Variants in PDSS2 observed in about 807,000 individuals in gnomAD.
The protein encoded by PDSS2 is decaprenyl diphosphate synthase subunit 2.
Under a neutral mutation model 44.5 loss-of-function variants are expected in PDSS2, and 31 were observed. The ratio of observed to expected loss-of-function variants is 0.70; its 90% CI spans 0.52 to 0.94. The LOEUF is 0.94. Ranked by LOEUF, PDSS2 falls within the 40% of genes least tolerant of loss-of-function variation. PDSS2 has a pLI of 0.00. For synonymous variants in PDSS2, 157 were observed against 180.3 expected (o/e 0.87, Z 1.03); for missense variants, 452 against 482.2 (o/e 0.94, Z 0.59).
chr6:107,162,610 A>ATTTTT lies in PDSS2; in HGVS notation c.1042-7838_1042-7834dup, dbSNP rs71012782. 4.4e-4 allele frequency among the ~76,000 whole-genome samples: 51 copies of ATTTTT among 115,560 alleles called. 2 individuals are homozygous for ATTTTT. Among genetic ancestry groups the ATTTTT allele is most frequent in the African/African-American group, 9.8e-4 (28 of 28,674 alleles). The allele number at this position is 115,560 out of a possible 152,430, so 75.8% of individuals were successfully genotyped here. A position where few individuals can be genotyped will look rare whatever the true frequency, so the allele number is the denominator to read the frequency against. On this transcript the variant is annotated intron_variant, in intron 7 of 7. Transcript: ENST00000369037. ...TTTTTATTTTGTCAAGAATTCCCTA[A>ATTTTT]TTTTTTTTTTTTTTTGAGATGGAGT...
At chr6:107,288,398 T>C (rs539796216) in intron 2 of PDSS2, among the ~76,000 whole-genome samples, 29 of 152,186 alleles carry the variant, frequency 1.9e-4, no homozygotes, top group Non-Finnish European at 4.1e-4. Context: ...AAGTCTTTGT[T>C]ATATGAATGA....
intron 2 of PDSS2, among the ~76,000 whole-genome samples, chr6:107,302,103 C>T (rs1481296136): frequency 6.6e-6 from 1 of 151,936 alleles, no homozygotes; most frequent in Non-Finnish European, 1.5e-5. Context: ...TAAATGATTT[C>T]TCAATAAAAC....
At chr6:107,386,372 C>A (rs1158483590) in intron 1 of PDSS2, among the ~76,000 whole-genome samples, 3 of 124,098 alleles carry the variant, frequency 2.4e-5, no homozygotes, top group African/African-American at 5.7e-5. Context: ...TTGTATATGT[C>A]ATTTTCTAAA....
chr6:107,184,782 CT>C (rs1204635568), intron 7 of PDSS2, among the ~76,000 whole-genome samples: 1 of 151,792 alleles, frequency 6.6e-6, no homozygotes, highest in Non-Finnish European at 1.5e-5. Context: ...TAAAAAATCT[CT>C]TACATTTGAC....
intron 7 of PDSS2, among the ~76,000 whole-genome samples, chr6:107,156,715 C>T (rs1412954730): frequency 6.6e-6 from 1 of 152,198 alleles, no homozygotes; most frequent in Non-Finnish European, 1.5e-5. Context: ...AGAGCTTTCC[C>T]TCTTGCACAG....
At chr6:107,201,160 T>C (rs539963227) in intron 6 of PDSS2, among the ~76,000 whole-genome samples, 2 of 152,222 alleles carry the variant, frequency 1.3e-5, no homozygotes, top group African/African-American at 2.4e-5. Flanking sequence ...TTAAAAGGGA[T>C]TCACTCATCT....
chr6:107,391,403 G>A (rs1023622291), intron 1 of PDSS2, among the ~76,000 whole-genome samples: 6 of 152,070 alleles, frequency 3.9e-5, no homozygotes, highest in African/African-American at 1.4e-4. Flanking sequence ...TTAACTCTTT[G>A]TATAACTGTC....
chr6:107,331,059 CA>C (rs1055563412), intron 2 of PDSS2, among the ~76,000 whole-genome samples: 1 of 152,042 alleles, frequency 6.6e-6, no homozygotes, highest in African/African-American at 2.4e-5. Flanking sequence ...GAAAAAATAC[CA>C]ACAAGGTAAA....
intron 2 of PDSS2, among the ~76,000 whole-genome samples, chr6:107,322,821 TCAAAAAA>T (rs751883995): frequency 4.9e-4 from 74 of 151,856 alleles, no homozygotes; most frequent in Admixed American, 9.2e-4. Context: ...AGACCCTGTC[TCAAAAAA>T]CAAAAAACAA....
chr6:107,335,386 G>T (rs537390071), intron 1 of PDSS2, among the ~76,000 whole-genome samples: 1 of 152,116 alleles, frequency 6.6e-6, no homozygotes, highest in African/African-American at 2.4e-5. Flanking sequence ...TGGTGATGAC[G>T]GTGGTAAACA....
At chr6:107,294,931 CT>C (rs1007707475) in intron 2 of PDSS2, among the ~76,000 whole-genome samples, 22 of 152,058 alleles carry the variant, frequency 1.4e-4, no homozygotes, top group African/African-American at 3.4e-4. Context: ...GGGTTCTGTT[CT>C]TTTTTTCTTT....
At chr6:107,437,593 G>C (rs1198912380) in intron 1 of PDSS2, among the ~76,000 whole-genome samples, 1 of 150,424 alleles carries the variant, frequency 6.6e-6, no homozygotes, top group African/African-American at 2.5e-5. Flanking sequence ...TTGGTTCTAG[G>C]ACCTCCTCAT....
chr6:107,385,659 C>T (rs114683759), intron 1 of PDSS2, among the ~76,000 whole-genome samples: 1,669 of 152,240 alleles, frequency 0.011, 22 homozygotes, highest in African/African-American at 0.038. Flanking sequence ...ACTAGGCAGA[C>T]CAACTTTTAC....
At chr6:107,289,249 T>G (rs1776263309) in intron 2 of PDSS2, among the ~76,000 whole-genome samples, 1 of 151,488 alleles carries the variant, frequency 6.6e-6, no homozygotes, top group African/African-American at 2.4e-5. Context: ...AGCAGGCACC[T>G]GCAATCCCAG....
chr6:107,175,466 C>A (rs1771755486), intron 7 of PDSS2, among the ~76,000 whole-genome samples: 1 of 152,132 alleles, frequency 6.6e-6, no homozygotes, highest in Non-Finnish European at 1.5e-5. Flanking sequence ...GAAAGCATTA[C>A]AATTTCATTT....
chr6:107,166,488 C>T (rs1771355221), intron 7 of PDSS2, among the ~76,000 whole-genome samples: 1 of 151,550 alleles, frequency 6.6e-6, no homozygotes, highest in Non-Finnish European at 1.5e-5. Context: ...CCTCAGTCTC[C>T]TGAGTAGCTG....
intron 4 of PDSS2, among the ~76,000 whole-genome samples, chr6:107,215,356 C>T (rs544175177): frequency 6.6e-6 from 1 of 152,218 alleles, no homozygotes; most frequent in East Asian, 1.9e-4. Context: ...CATGCCACTG[C>T]TGTCCAGCCT....
chr6:107,349,293 C>T (rs992810706), intron 1 of PDSS2, among the ~76,000 whole-genome samples: 1 of 151,950 alleles, frequency 6.6e-6, no homozygotes, highest in East Asian at 1.9e-4. Flanking sequence ...ATTAGCTGGG[C>T]GTGGTGGCGG....
At chr6:107,403,580 T>C (rs1357763092) in intron 1 of PDSS2, among the ~76,000 whole-genome samples, 1 of 152,202 alleles carries the variant, frequency 6.6e-6, no homozygotes, top group African/African-American at 2.4e-5. Context: ...GGTGTTTCCA[T>C]ACATCCTCCA....
Sources: gnomAD v4.1 joint callset for allele counts (sites outside exome capture counted in the v4.1 genomes callset) on GRCh38, gnomAD v4.1.1 for gene constraint, MANE v1.5 for transcripts, NCBI Gene and HGNC (gene_info 2026-07-23, HGNC 2026-07-21) for gene names.